NKAIN3: variants seen among roughly 807,000 people sequenced by gnomAD.
NKAIN3 encodes sodium/potassium transporting ATPase interacting 3.
A neutral mutation model predicts 30.2 loss-of-function variants in NKAIN3; 25 were observed. That is an observed-to-expected ratio of 0.83 (90% confidence interval 0.60 to 1.16). NKAIN3 has a LOEUF of 1.16. Among genes scored for constraint, NKAIN3 ranks in the 50% most tolerant of loss-of-function variants. The pLI, the probability that NKAIN3 is intolerant of heterozygous loss-of-function variation, is 0.00. For synonymous variants in NKAIN3, 91 were observed against 89.6 expected (o/e 1.02, Z -0.09); for missense variants, 225 against 254.1 (o/e 0.89, Z 0.78).
chr8:62,643,865 G>T (rs897047577), intron 3 of NKAIN3, among the ~76,000 whole-genome samples: 1 of 152,056 alleles, frequency 6.6e-6, no homozygotes, highest in Non-Finnish European at 1.5e-5. Flanking sequence ...TTTTAATAAA[G>T]TAATTGTTGT....
At chr8:62,710,872 G>A (rs1184512765) in intron 3 of NKAIN3, among the ~76,000 whole-genome samples, 1 of 152,122 alleles carries the variant, frequency 6.6e-6, no homozygotes, top group Non-Finnish European at 1.5e-5. Context: ...CTGTTTTGAT[G>A]TGTTTCCTAG....
chr8:62,783,915 G>A (rs1265469207), intron 4 of NKAIN3, among the ~76,000 whole-genome samples: 4 of 152,008 alleles, frequency 2.6e-5, no homozygotes, highest in Non-Finnish European at 4.4e-5. Context: ...AAAGTGCTGG[G>A]ATTGCAGGCA....
intron 1 of NKAIN3, among the ~76,000 whole-genome samples, chr8:62,573,306 T>C (rs1347513648): frequency 6.6e-6 from 1 of 152,208 alleles, no homozygotes; most frequent in Non-Finnish European, 1.5e-5. Flanking sequence ...CTGTGAAATA[T>C]TTTTCATGCA....
chr8:62,602,449 T>C (rs1811008724), intron 3 of NKAIN3, among the ~76,000 whole-genome samples: 1 of 152,132 alleles, frequency 6.6e-6, no homozygotes, highest in South Asian at 2.1e-4. Context: ...CATGGGATAA[T>C]AATCATGAAA....
In NKAIN3 at chr8:62,964,537, A is replaced by AGAGTGTGTGT. The variant is rs1386858813; in HGVS notation, c.604-816_604-815insAGTGTGTGTG. Among the ~76,000 whole-genome samples, 105 of 133,224 alleles carry AGAGTGTGTGT rather than the reference A, an allele frequency of 7.9e-4. 1 individual carries two copies. The highest frequency in any genetic ancestry group is 7.8e-3 in the Middle Eastern group (2 of 258). The allele number at this position is 133,224 out of a possible 152,430, so 87.4% of individuals were successfully genotyped here. A position where few individuals can be genotyped will look rare whatever the true frequency, so the allele number is the denominator to read the frequency against. ...CCAGTAGAGAAAGAGAGAGAGAGAGAGTGTGTGTGTGTGTGTGTGTGTGTG... is the reference window on the plus strand; with the variant it reads ...CCAGTAGAGAAAGAGAGAGAGAGAGAGAGTGTGTGTGTGTGTGTGTGTGTGTGTGTGTGTG... On this transcript the variant is annotated intron_variant, in intron 6 of 6. Coordinates refer to ENST00000623646, the MANE Select transcript of NKAIN3 (RefSeq NM_001304533.3).
rs35621967 is a variant in NKAIN3 at position 62,754,362 on chromosome 8, G to GCACACA, written c.471+7252_471+7257dup. 2.5e-3 allele frequency among the ~76,000 whole-genome samples: 376 copies of GCACACA among 149,496 alleles called. 2 individuals carry two copies. The highest frequency in any genetic ancestry group is 7.2e-3 in the African/African-American group (292 of 40,824). Reference sequence around the variant, plus strand: ...GATTCATATGCTCATGTTGATTAGTGCACACACACACACACACACACACAT... The same window carrying GCACACA: ...GATTCATATGCTCATGTTGATTAGTGCACACACACACACACACACACACACACACAT... On this transcript the variant is annotated intron_variant, in intron 4 of 6. Transcript: ENST00000623646.
intron 1 of NKAIN3, among the ~76,000 whole-genome samples, chr8:62,480,206 T>C (rs1806669040): frequency 6.6e-6 from 1 of 152,282 alleles, no homozygotes; most frequent in South Asian, 2.1e-4. Context: ...TCCATTACTA[T>C]GAATTTGACT....
At chr8:62,291,146 T>C (rs1325947719) in intron 1 of NKAIN3, among the ~76,000 whole-genome samples, 1 of 152,178 alleles carries the variant, frequency 6.6e-6, no homozygotes, top group African/African-American at 2.4e-5. Context: ...TTTATTAGTC[T>C]TGCTAGCAGT....
intron 4 of NKAIN3, among the ~76,000 whole-genome samples, chr8:62,866,019 G>GA (rs1220347199): frequency 6.6e-6 from 1 of 152,012 alleles, no homozygotes; most frequent in Non-Finnish European, 1.5e-5. Flanking sequence ...TTTAAAGGAA[G>GA]AAAAAATAGG....
intron 3 of NKAIN3, among the ~76,000 whole-genome samples, chr8:62,607,107 G>T (rs773623514): frequency 8.5e-5 from 13 of 152,130 alleles, no homozygotes; most frequent in Non-Finnish European, 1.5e-4. Flanking sequence ...AGCCATACAG[G>T]GAGACACCTT....
intron 1 of NKAIN3, among the ~76,000 whole-genome samples, chr8:62,379,201 G>T (rs1036255006): frequency 2.0e-5 from 3 of 152,162 alleles, no homozygotes; most frequent in Admixed American, 6.5e-5. Context: ...CACTTGTAGT[G>T]GGTGTATTTA....
chr8:62,619,227 C>T (rs895799189), intron 3 of NKAIN3, among the ~76,000 whole-genome samples: 2 of 152,184 alleles, frequency 1.3e-5, no homozygotes, highest in Non-Finnish European at 1.5e-5. Context: ...TACTGGGTCA[C>T]TTACCTTAAG....
Position 62,579,686 on chromosome 8 carries a change from A to G in NKAIN3, c.192+10A>G. ...TCGATACATAATGGTGGTAAGTCTT[A>G]TTTTTATCATTTTGCTTCATATAAA... On this transcript the variant is annotated intron_variant, in intron 2 of 6. Transcript: ENST00000623646. The G allele has an allele frequency of 1.4e-6, 2 of 1,406,000 alleles. No individual in the cohort carries two copies. Among genetic ancestry groups the G allele is most frequent in the Non-Finnish European group, 1.9e-6 (2 of 1,068,850 alleles). The allele number at this position is 1,406,000 out of a possible 1,614,324, so 87.1% of individuals were successfully genotyped here.
intron 1 of NKAIN3, among the ~76,000 whole-genome samples, chr8:62,574,225 T>A (rs1370066389): frequency 1.3e-5 from 2 of 152,180 alleles, no homozygotes; most frequent in African/African-American, 4.8e-5. Context: ...CAGGATCTTA[T>A]TCTTTTTATG....
At chr8:62,520,753 T>A (rs1034902842) in intron 1 of NKAIN3, among the ~76,000 whole-genome samples, 9 of 152,064 alleles carry the variant, frequency 5.9e-5, no homozygotes, top group Admixed American at 1.3e-4. Context: ...GTGGCTCCCA[T>A]CTTAGACAGC....
intron 1 of NKAIN3, among the ~76,000 whole-genome samples, chr8:62,434,705 C>A (rs1262279563): frequency 1.3e-5 from 2 of 152,002 alleles, no homozygotes; most frequent in Non-Finnish European, 2.9e-5. Flanking sequence ...TAGGATTTTC[C>A]CAAATGTCTT....
At chr8:62,767,902 A>C (rs1552054) in intron 4 of NKAIN3, among the ~76,000 whole-genome samples, 85,306 of 151,660 alleles carry the variant, frequency 0.56, 25,271 homozygotes, top group Non-Finnish European at 0.67. Flanking sequence ...TATTGATTAT[A>C]TATCTTAAAA....
chr8:62,430,129 C>T (rs1227559704), intron 1 of NKAIN3, among the ~76,000 whole-genome samples: 1 of 151,826 alleles, frequency 6.6e-6, no homozygotes, highest in African/African-American at 2.4e-5. Flanking sequence ...GCTTATTTCA[C>T]ATAACATGAT....
At chr8:62,928,947 A>G (rs572184860) in intron 5 of NKAIN3, among the ~76,000 whole-genome samples, 38 of 152,298 alleles carry the variant, frequency 2.5e-4, no homozygotes, top group African/African-American at 9.1e-4. Context: ...CCTGTCATTC[A>G]AGGGAGAGTT....
Sources: allele counts gnomAD v4.1 joint callset (sites outside exome capture counted in the v4.1 genomes callset), GRCh38; gene constraint gnomAD v4.1.1; transcripts MANE v1.5; gene names NCBI Gene and HGNC (gene_info 2026-07-23, HGNC 2026-07-21).